Variants in ADAD1 observed in about 807,000 individuals in gnomAD.
ADAD1 encodes adenosine deaminase domain-containing protein 1.
ADAD1 carries 46 observed loss-of-function variants against 66.8 expected under a neutral mutation model. That is an observed-to-expected ratio of 0.69 (90% CI 0.54 to 0.88). ADAD1 has a LOEUF of 0.88. Among genes scored for constraint, ADAD1 ranks in the 40% least tolerant of loss-of-function variants. ADAD1 has a pLI of 0.00. For synonymous variants in ADAD1, 248 were observed against 229.4 expected (o/e 1.08, Z -0.73); for missense variants, 617 against 681.8 (o/e 0.91, Z 1.06).
At chr4:122,408,437 G>A (rs1047517059) in intron 8 of ADAD1, among the ~76,000 whole-genome samples, 10 of 152,088 alleles carry the variant, frequency 6.6e-5, no homozygotes, top group African/African-American at 2.2e-4. Flanking sequence ...CAACACACCC[G>A]GCTACTTTTT....
chr4:122,408,216 A>G (rs574555756), intron 8 of ADAD1, among the ~76,000 whole-genome samples, 185 bp downstream of exon 8: 10 of 152,282 alleles, frequency 6.6e-5, no homozygotes, highest in African/African-American at 2.4e-4. Flanking sequence ...AGTAACGCCA[A>G]TGTCTACCCT....
At chr4:122,407,446 T>G (rs985959295) in intron 7 of ADAD1, among the ~76,000 whole-genome samples, 2 of 152,174 alleles carry the variant, frequency 1.3e-5, no homozygotes, top group Non-Finnish European at 1.5e-5. Context: ...TTTTTTGTTT[T>G]TAAGAAAGCA....
At chr4:122,424,729 A>G (rs1305376339) in intron 12 of ADAD1, among the ~76,000 whole-genome samples, 2 of 152,168 alleles carry the variant, frequency 1.3e-5, no homozygotes, top group Non-Finnish European at 2.9e-5. Flanking sequence ...TAAATTCACC[A>G]TATCAATAAT....
At chr4:122,408,212 G>A (rs1214399651) in intron 8 of ADAD1, among the ~76,000 whole-genome samples, 181 bp downstream of exon 8, 2 of 152,214 alleles carry the variant, frequency 1.3e-5, no homozygotes, top group Admixed American at 6.5e-5. Context: ...TCATAGTAAC[G>A]CCAATGTCTA....
At chr4:122,410,558 G>T (rs1796422671) in intron 8 of ADAD1, among the ~76,000 whole-genome samples, 1 of 152,100 alleles carries the variant, frequency 6.6e-6, no homozygotes, top group Admixed American at 6.6e-5. Context: ...GTGATATTTT[G>T]ATACAACCAT....
intron 11 of ADAD1, among the ~76,000 whole-genome samples, chr4:122,420,954 A>G (rs1796974985): frequency 6.6e-6 from 1 of 152,196 alleles, no homozygotes; most frequent in South Asian, 2.1e-4. Flanking sequence ...TTTCCAGTGA[A>G]TCCCTCATAG....
chr4:122,426,871 A>C (rs1366465727), intron 12 of ADAD1, among the ~76,000 whole-genome samples: 5 of 152,204 alleles, frequency 3.3e-5, no homozygotes, highest in Non-Finnish European at 7.4e-5. Flanking sequence ...CCTACCATTG[A>C]CATTCTGCTT....
chr4:122,392,085 A>C (rs1163691939), intron 5 of ADAD1, among the ~76,000 whole-genome samples: 2 of 152,214 alleles, frequency 1.3e-5, no homozygotes, highest in Non-Finnish European at 2.9e-5. Flanking sequence ...ATTTATGCCT[A>C]ATAAACAGGA....
At chr4:122,426,048 T>C (rs1373315756) in intron 12 of ADAD1, among the ~76,000 whole-genome samples, 1 of 151,994 alleles carries the variant, frequency 6.6e-6, no homozygotes, top group Non-Finnish European at 1.5e-5. Context: ...AAAAAAATAG[T>C]AGGAAAAAAT....
chr4:122,422,699 T>C (rs948823691), intron 12 of ADAD1, among the ~76,000 whole-genome samples: 2 of 151,912 alleles, frequency 1.3e-5, no homozygotes, highest in Non-Finnish European at 2.9e-5. Flanking sequence ...TAAAAACAAG[T>C]AGAAAACCAG....
At position 122,421,288 on chromosome 4, in the gene ADAD1, G is replaced by A. The variant is rs1373008945; in HGVS notation, c.1515G>A (p.Met505Ile). Residue 505 changes from methionine to isoleucine, a missense_variant, in exon 12 of 13, where the codon ATG becomes ATA. Met to Ile is a conservative substitution (Grantham distance 10). Coordinates refer to ENST00000296513, the MANE Select transcript of ADAD1 (RefSeq NM_139243.4). ...ESSPFKSGMS[M>I]ASRLCKAAML... ...CCCCATTTAAAAGTGGTATGTCAAT[G>A]GCAAGTCGGCTTTGTAAGGCTGCAA... The A allele has an allele frequency of 2.5e-6, 4 of 1,602,766 alleles. No individual in the cohort carries two copies. Among genetic ancestry groups the A allele is most frequent in the Non-Finnish European group, 3.4e-6 (4 of 1,172,614 alleles).
chr4:122,392,362 A>AC (rs1795490982), intron 5 of ADAD1, among the ~76,000 whole-genome samples: 1 of 152,192 alleles, frequency 6.6e-6, no homozygotes, highest in South Asian at 2.1e-4. Flanking sequence ...GTGGACTACT[A>AC]TGCAGCCATT....
chr4:122,404,881 C>A (rs1274200476), intron 7 of ADAD1, among the ~76,000 whole-genome samples: 1 of 152,180 alleles, frequency 6.6e-6, no homozygotes, highest in Non-Finnish European at 1.5e-5. Flanking sequence ...TAGGCTAATT[C>A]TTCTACTTAA....
At chr4:122,417,270 G>C (rs1377325282) in intron 11 of ADAD1, among the ~76,000 whole-genome samples, 2 of 150,996 alleles carry the variant, frequency 1.3e-5, no homozygotes, top group Non-Finnish European at 3.0e-5. Context: ...CCAGGAGGTG[G>C]AGGTTGCAGT....
intron 8 of ADAD1, among the ~76,000 whole-genome samples, chr4:122,410,304 A>G (rs1580785531): frequency 6.6e-6 from 1 of 152,166 alleles, no homozygotes; most frequent in Non-Finnish European, 1.5e-5. Flanking sequence ...CTTTTGTGTT[A>G]CTTATTCCTG....
At chr4:122,387,749 T>G (rs985535372) in intron 5 of ADAD1, among the ~76,000 whole-genome samples, 2 of 149,896 alleles carry the variant, frequency 1.3e-5, no homozygotes, top group Non-Finnish European at 3.0e-5. Flanking sequence ...AGGTTTTTTT[T>G]TTTTGTTTTT....
chr4:122,415,289 G>T, intron 10 of ADAD1, 90 bp from the exon 11 acceptor site: 1 of 1,015,262 alleles, frequency 9.8e-7, no homozygotes, highest in South Asian at 1.6e-5. Context: ...ATAGAGAAAT[G>T]GGCTTTAGAC....
chr4:122,399,313 C>G (rs899395386), intron 7 of ADAD1, among the ~76,000 whole-genome samples: 1 of 151,982 alleles, frequency 6.6e-6, no homozygotes, highest in Non-Finnish European at 1.5e-5. Flanking sequence ...CCATTCTGTT[C>G]CATTATTCTG....
chr4:122,407,785 T>A, intron 7 of ADAD1, 123 bp from the exon 8 acceptor site: 1 of 1,110,638 alleles, frequency 9.0e-7, no homozygotes, highest in Non-Finnish European at 1.2e-6. Flanking sequence ...ATTGTGGAAT[T>A]ATTTTTTCAT....
Sources: allele counts gnomAD v4.1 joint callset (sites outside exome capture counted in the v4.1 genomes callset), GRCh38; gene constraint gnomAD v4.1.1; transcripts MANE v1.5; gene names NCBI Gene and HGNC (gene_info 2026-07-23, HGNC 2026-07-21).